Variants in SLC8A1 observed in about 807,000 individuals in gnomAD.
SLC8A1 encodes the protein sodium/calcium exchanger 1.
Under a neutral mutation model 68.3 loss-of-function variants are expected in SLC8A1, and 18 were observed. The observed-to-expected ratio is 0.26, with a 90% CI of 0.18 to 0.39. The LOEUF (loss-of-function observed/expected upper bound fraction) is 0.39, where lower values mean the gene tolerates loss of function less well. SLC8A1 is among the 10% of genes least tolerant of loss of function. SLC8A1 has a pLI of 1.00. For synonymous variants in SLC8A1, 475 were observed against 415.5 expected, an observed-to-expected ratio of 1.14 and a Z score of -1.74; for missense variants, 985 against 1,156.7, an observed-to-expected ratio of 0.85 and a Z score of 2.15.
chr2:40,183,186 A>G (rs970325454), intron 2 of SLC8A1, among the ~76,000 whole-genome samples: 1 of 152,180 alleles, frequency 6.6e-6, no homozygotes, highest in Non-Finnish European at 1.5e-5. Context: ...TCACAAAGTG[A>G]GTCTCCTGTG....
intron 2 of SLC8A1, among the ~76,000 whole-genome samples, chr2:40,289,709 GGCTTGGTGGT>G (rs945709341): frequency 2.6e-5 from 4 of 151,706 alleles, no homozygotes; most frequent in African/African-American, 9.7e-5. Context: ...AAATTAGAGG[GGCTTGGTGGT>G]GCTTGGTGGT....
chr2:40,276,162 G>A (rs1467695989), intron 2 of SLC8A1, among the ~76,000 whole-genome samples: 1 of 152,206 alleles, frequency 6.6e-6, no homozygotes, highest in East Asian at 1.9e-4. Flanking sequence ...GGGAAAACTG[G>A]AATTTGAGAT....
intron 2 of SLC8A1, among the ~76,000 whole-genome samples, chr2:40,295,352 C>T (rs933728857): frequency 4.6e-5 from 7 of 152,136 alleles, no homozygotes; most frequent in Non-Finnish European, 7.3e-5. Flanking sequence ...ATCCTTCCGC[C>T]TCAGCCTCCC....
At chr2:40,339,942 T>C (rs568089871) in intron 2 of SLC8A1, among the ~76,000 whole-genome samples, 1 of 152,224 alleles carries the variant, frequency 6.6e-6, no homozygotes, top group African/African-American at 2.4e-5. Context: ...GCTAGGTCAA[T>C]CAAACACAAT....
chr2:40,139,460 A>T, exon 7 of SLC8A1: 1 of 1,614,188 alleles, frequency 6.2e-7, no homozygotes, highest in Non-Finnish European at 8.5e-7. Context: ...TTTCAGGCCA[A>T]TGGTGCAGCC....
chr2:40,485,952 G>A (rs1704941313), intron 1 of SLC8A1, among the ~76,000 whole-genome samples: 1 of 152,120 alleles, frequency 6.6e-6, no homozygotes, highest in Non-Finnish European at 1.5e-5. Flanking sequence ...GATGTGATAT[G>A]GTTTGGTTTG....
chr2:40,175,587 T>C lies in SLC8A1; in HGVS notation c.1913-745A>G, dbSNP rs552559594. On this transcript the variant is annotated intron_variant, in intron 3 of 7. Coordinates refer to ENST00000406785, the Ensembl canonical transcript of SLC8A1. The stretch of plus-strand genomic sequence containing the variant: ...ATAAGACATTGCTAGTATATATGTT[T>C]ATACCTAGTATGTAAATCTAGTTTA... Among the ~76,000 whole-genome samples the C allele has an allele frequency of 5.3e-5, 8 of 152,258 alleles. No individual in the cohort carries two copies. The South Asian group carries it at 1.7e-3, about 32-fold the overall frequency.
intron 2 of SLC8A1, among the ~76,000 whole-genome samples, chr2:40,179,552 A>C (rs2049064901): frequency 6.6e-6 from 1 of 152,210 alleles, no homozygotes; most frequent in African/African-American, 2.4e-5. Flanking sequence ...GAAGCCTCTT[A>C]AACCCTGATT....
chr2:40,349,589 G>C (rs76216188), intron 2 of SLC8A1, among the ~76,000 whole-genome samples: 4,419 of 152,104 alleles, frequency 0.029, 99 homozygotes, highest in Non-Finnish European at 0.044. Context: ...TACCTCACAG[G>C]GTTATTGTGA....
chr2:40,305,502 A>T, intron 2 of SLC8A1, among the ~76,000 whole-genome samples: 1 of 152,226 alleles, frequency 6.6e-6, no homozygotes, highest in East Asian at 1.9e-4. Flanking sequence ...AACTGAGAGG[A>T]TGGATCAAGT....
chr2:40,133,879 A>G (rs1282559018), intron 7 of SLC8A1, among the ~76,000 whole-genome samples: 4 of 152,222 alleles, frequency 2.6e-5, no homozygotes, highest in African/African-American at 9.6e-5. Context: ...ATCCAAGTAA[A>G]TAACTGTAAG....
intron 2 of SLC8A1, among the ~76,000 whole-genome samples, chr2:40,238,884 A>C (rs1055075849): frequency 6.6e-6 from 1 of 152,158 alleles, no homozygotes; most frequent in Admixed American, 6.5e-5. Context: ...ATTTGCAGTG[A>C]AATTTACCTT....
intron 2 of SLC8A1, among the ~76,000 whole-genome samples, chr2:40,327,843 T>G (rs961525875): frequency 6.6e-6 from 1 of 152,124 alleles, no homozygotes; most frequent in Non-Finnish European, 1.5e-5. Context: ...ACCCCAAACC[T>G]TAGCATCATG....
At chr2:40,495,103 C>T (rs1705605947) in intron 1 of SLC8A1, among the ~76,000 whole-genome samples, 1 of 151,934 alleles carries the variant, frequency 6.6e-6, no homozygotes, top group South Asian at 2.1e-4. Flanking sequence ...GTACTTTTAA[C>T]ATAAGCCCTA....
intron 2 of SLC8A1, among the ~76,000 whole-genome samples, chr2:40,216,496 A>C (rs1286203646): frequency 1.3e-5 from 2 of 152,208 alleles, no homozygotes; most frequent in African/African-American, 4.8e-5. Context: ...AGAATGATTT[A>C]TATTCCTTTG....
intron 2 of SLC8A1, among the ~76,000 whole-genome samples, chr2:40,289,639 T>C (rs967158244): frequency 1.3e-5 from 2 of 151,850 alleles, no homozygotes; most frequent in Non-Finnish European, 2.9e-5. Context: ...TCACTTGAGG[T>C]CAGGAGTTGG....
Position 40,322,501 on chromosome 2 carries a change from TAAAA to T in SLC8A1, c.1808+105968_1808+105971del, listed in dbSNP as rs10708563. On this transcript the variant is annotated intron_variant, in intron 2 of 7. Transcript: ENST00000406785. ...GAGAGACCTCATCTCTACAAAAGGT[TAAAA>T]AAAAAAAAAAAAAAAAAAAAATTAG... 1.1e-3 allele frequency among the ~76,000 whole-genome samples: 109 copies of T among 97,310 alleles called. 1 individual carries two copies. Among genetic ancestry groups the T allele is most frequent in the African/African-American group, 3.9e-3 (103 of 26,108 alleles). 63.8% of individuals were successfully genotyped at this position (97,310 alleles called of 152,430 possible).
chr2:40,395,939 T>C (rs1190633578), intron 2 of SLC8A1, among the ~76,000 whole-genome samples: 1 of 152,132 alleles, frequency 6.6e-6, no homozygotes, highest in African/African-American at 2.4e-5. Context: ...CATAGACCCT[T>C]ATAACTGTTC....
intron 2 of SLC8A1, among the ~76,000 whole-genome samples, chr2:40,380,087 T>C (rs897003135): frequency 2.0e-5 from 3 of 152,168 alleles, no homozygotes; most frequent in Non-Finnish European, 4.4e-5. Context: ...CTTACTACAT[T>C]TAGCTTGATC....
Sources: gnomAD v4.1 joint callset for allele counts (sites outside exome capture counted in the v4.1 genomes callset) on GRCh38, gnomAD v4.1.1 for gene constraint, MANE v1.5 for transcripts, NCBI Gene and HGNC (gene_info 2026-07-23, HGNC 2026-07-21) for gene names.